Variants in XKR6 observed in about 807,000 individuals in gnomAD.
XKR6 encodes the protein XK-related protein 6.
XKR6 carries 22 observed loss-of-function variants against 56.7 expected under a neutral mutation model. The observed-to-expected ratio is 0.39, with a 90% CI of 0.28 to 0.55. The LOEUF (loss-of-function observed/expected upper bound fraction) is 0.55, where lower values mean the gene tolerates loss of function less well. Ranked by LOEUF, XKR6 falls within the 20% of genes least tolerant of loss-of-function variation. The probability of loss-of-function intolerance (pLI) is 0.66; values close to 1 mark genes in which losing one functional copy is unlikely to be tolerated. For missense variants in XKR6, 852 were observed against 889.0 expected (o/e 0.96, Z 0.53); for synonymous variants, 524 against 387.8 (o/e 1.35, Z -4.13).
intron 1 of XKR6, among the ~76,000 whole-genome samples, chr8:11,122,396 T>C (rs1227261118): frequency 6.6e-6 from 1 of 152,260 alleles, no homozygotes; most frequent in African/African-American, 2.4e-5. Flanking sequence ...TTTAGTTATA[T>C]AGCTGAACCA....
chr8:10,997,657 C>T (rs1297337525), intron 1 of XKR6, among the ~76,000 whole-genome samples: 1 of 152,082 alleles, frequency 6.6e-6, no homozygotes, highest in South Asian at 2.1e-4. Context: ...TGTGGAAATG[C>T]AATGAGGGTG....
At position 10,896,893 on chromosome 8, in the gene XKR6, A is replaced by T. The variant is rs1240494504; in HGVS notation, c.*1059T>A. ...CATGTGATAAATGTCTACCATTCAC[A>T]GCCTTAAAATGATGGAACTAATCGT... On this transcript the variant is annotated 3_prime_UTR_variant, in exon 3 of 3. Coordinates refer to ENST00000416569, the MANE Select transcript of XKR6 (RefSeq NM_173683.4). 6.6e-6 allele frequency: 1 copy of T among 152,620 alleles called. No homozygotes were observed. The highest frequency in any genetic ancestry group is 1.5e-5 in the Non-Finnish European group (1 of 68,032). The allele number at this position is 152,620 out of a possible 1,614,324, so 9.5% of individuals were successfully genotyped here.
At chr8:10,999,333 T>C (rs931818069) in intron 1 of XKR6, among the ~76,000 whole-genome samples, 17 of 152,244 alleles carry the variant, frequency 1.1e-4, no homozygotes, top group Admixed American at 4.6e-4. Context: ...GCTAAGGAGA[T>C]GCACATAATA....
At chr8:10,952,663 G>C (rs1801761252) in intron 1 of XKR6, among the ~76,000 whole-genome samples, 1 of 152,134 alleles carries the variant, frequency 6.6e-6, no homozygotes, top group South Asian at 2.1e-4. Flanking sequence ...GTTTGAATGT[G>C]TATCCTTGCC....
chr8:10,925,696 T>C (rs1249995777), intron 1 of XKR6, among the ~76,000 whole-genome samples: 3 of 152,204 alleles, frequency 2.0e-5, no homozygotes, highest in Admixed American at 2.0e-4. Context: ...TCTGTGTCCT[T>C]GTCACTCATC....
At chr8:11,108,523 A>G (rs373025805) in intron 1 of XKR6, 2 of 368,274 alleles carry the variant, frequency 5.4e-6, no homozygotes, top group African/African-American at 2.1e-5. Flanking sequence ...AGCCAGCAGG[A>G]GGCATTGCCT....
chr8:10,935,116 G>T lies in XKR6; in HGVS notation c.765-10286C>A, dbSNP rs909543240. On this transcript the variant is annotated intron_variant, in intron 1 of 2. Coordinates refer to ENST00000416569, the MANE Select transcript of XKR6 (RefSeq NM_173683.4). ...TATTCACAGATTCAACTTCTTCCTGGTTTAGTCTTGGGAGAGTGTATGTGT... is the reference window on the plus strand; with the variant it reads ...TATTCACAGATTCAACTTCTTCCTGTTTTAGTCTTGGGAGAGTGTATGTGT... Among the ~76,000 whole-genome samples, 8 of 89,610 alleles carry T rather than the reference G, an allele frequency of 8.9e-5. 3 individuals are homozygous for T. The highest frequency in any genetic ancestry group is 5.0e-4 in the African/African-American group (8 of 16,098). The allele number at this position is 89,610 out of a possible 152,430, so 58.8% of individuals were successfully genotyped here. A position where few individuals can be genotyped will look rare whatever the true frequency, so the allele number is the denominator to read the frequency against.
chr8:10,905,431 C>A (rs1586287232), intron 2 of XKR6, among the ~76,000 whole-genome samples: 1 of 152,210 alleles, frequency 6.6e-6, no homozygotes, highest in South Asian at 2.1e-4. Context: ...GCAGCCTTTT[C>A]CTGCCAGGTT....
chr8:10,898,119 T>C lies in XKR6; in HGVS notation c.1759A>G (p.Ile587Val). 1 of 1,614,134 alleles carries C rather than the reference T, an allele frequency of 6.2e-7. No individual in the cohort carries two copies. Among genetic ancestry groups the C allele is most frequent in the Non-Finnish European group, 8.5e-7 (1 of 1,180,022 alleles). ...GGGTATCGCTTTCTTGGCATGTCAA[T>C]CTTAATGAGGGGCCCTTCTGGGAGG... ...PYLPEGPLIK[I>V]DMPRKRYPAW... Residue 587 changes from isoleucine (I) to valine (V), a missense_variant, in exon 3 of 3, where the codon ATT becomes GTT. Physicochemically the swap from Ile to Val is conservative, Grantham distance 29 (BLOSUM62 3). Coordinates refer to ENST00000416569, the MANE Select transcript of XKR6 (RefSeq NM_173683.4). This position sits in a 1 kb window ranked among gnomAD's most constrained non-coding sequence, Gnocchi z 6.6.
At chr8:10,976,751 C>T (rs1563323132) in intron 1 of XKR6, among the ~76,000 whole-genome samples, 3 of 52,964 alleles carry the variant, frequency 5.7e-5, no homozygotes, top group African/African-American at 1.6e-4. Context: ...GCTACCTCGC[C>T]TGTCTCTCTC....
At chr8:11,029,740 G>A (rs1043696010) in intron 1 of XKR6, among the ~76,000 whole-genome samples, 3 of 151,998 alleles carry the variant, frequency 2.0e-5, no homozygotes, top group African/African-American at 7.3e-5. Flanking sequence ...CCTCACGTCA[G>A]TGCCATTTCC....
chr8:11,150,059 G>A (rs939743218), intron 1 of XKR6, among the ~76,000 whole-genome samples: 2 of 152,202 alleles, frequency 1.3e-5, no homozygotes, highest in Non-Finnish European at 2.9e-5. Context: ...AGAGATACCA[G>A]AGGCTGGGAA....
chr8:11,074,292 G>A (rs1048499301), intron 1 of XKR6, among the ~76,000 whole-genome samples: 3 of 151,996 alleles, frequency 2.0e-5, no homozygotes, highest in African/African-American at 7.3e-5. Flanking sequence ...CCCGGCCTTG[G>A]GTCTCCTCTG....
At position 11,197,429 on chromosome 8, in the gene XKR6, C is replaced by T. The variant is rs11989218; in HGVS notation, c.764+3147G>A. ...GCAACAGGCAAACTAAATCACACTG[C>T]TCCTAAAGCCAAACCCTCCAAGAAA... On this transcript the variant is annotated intron_variant, in intron 1 of 2. Transcript: ENST00000416569. Among the ~76,000 whole-genome samples the T allele has an allele frequency of 7.9e-3, 1,199 of 152,316 alleles. 15 individuals are homozygous for T. Among genetic ancestry groups the T allele is most frequent in the African/African-American group, 0.028 (1,145 of 41,564 alleles).
intron 2 of XKR6, among the ~76,000 whole-genome samples, chr8:10,924,389 G>T (rs537153721): frequency 6.6e-6 from 1 of 152,372 alleles, no homozygotes; most frequent in Non-Finnish European, 1.5e-5. Flanking sequence ...GCTCTGCTCT[G>T]CTCACATGGA....
At chr8:11,056,061 C>T (rs1388812091) in intron 1 of XKR6, among the ~76,000 whole-genome samples, 1 of 152,188 alleles carries the variant, frequency 6.6e-6, no homozygotes, top group Admixed American at 6.5e-5. Context: ...CCGGCGCCCC[C>T]TGCTGGATGC....
intron 1 of XKR6, among the ~76,000 whole-genome samples, chr8:11,182,695 T>C (rs1803059096): frequency 6.6e-6 from 1 of 152,220 alleles, no homozygotes; most frequent in Non-Finnish European, 1.5e-5. Context: ...ACATCTAGAG[T>C]ATTTGTAAAA....
At chr8:10,955,972 G>C (rs1045776607) in intron 1 of XKR6, among the ~76,000 whole-genome samples, 1 of 152,220 alleles carries the variant, frequency 6.6e-6, no homozygotes, top group Admixed American at 6.5e-5. Context: ...CTCGGTGAGA[G>C]GGTGAGGGCA....
At chr8:10,912,652 C>G (rs866843819) in intron 2 of XKR6, among the ~76,000 whole-genome samples, 1,909 of 39,690 alleles carry the variant, frequency 0.048, 106 homozygotes, top group African/African-American at 0.22. Flanking sequence ...AAGAGGGTGT[C>G]TATATGTGTG....
Sources: gnomAD v4.1 joint callset for allele counts (sites outside exome capture counted in the v4.1 genomes callset) on GRCh38, gnomAD v4.1.1 for gene constraint, Gnocchi (gnomAD v3.1) non-coding constraint, MANE v1.5 for transcripts, NCBI Gene and HGNC (gene_info 2026-07-23, HGNC 2026-07-21) for gene names.